The following OPCML variants were observed in gnomAD, a reference collection of about 807,000 sequenced individuals.
OPCML encodes opioid-binding protein/cell adhesion molecule.
A neutral mutation model predicts 37.8 loss-of-function variants in OPCML; 13 were observed. The observed-to-expected ratio is 0.34, with a 90% confidence interval of 0.22 to 0.55. OPCML has a LOEUF of 0.55. OPCML is among the 20% of genes least tolerant of loss of function. OPCML has a pLI of 0.91. For missense variants in OPCML, 341 were observed against 435.6 expected (o/e 0.78, Z 1.93); for synonymous variants, 176 against 168.8 (o/e 1.04, Z -0.33).
intron 1 of OPCML, among the ~76,000 whole-genome samples, chr11:133,147,974 C>T (rs1177007296): frequency 6.6e-6 from 1 of 152,190 alleles, no homozygotes; most frequent in Non-Finnish European, 1.5e-5. Flanking sequence ...TCATCCCTCC[C>T]CACCCCAGCT....
At chr11:133,354,739 C>A (rs756637559) in intron 1 of OPCML, among the ~76,000 whole-genome samples, 3 of 152,164 alleles carry the variant, frequency 2.0e-5, no homozygotes, top group Non-Finnish European at 4.4e-5. Flanking sequence ...TCAACATATT[C>A]TTTTAAATCC....
At chr11:132,496,657 T>C (rs777016387) in intron 4 of OPCML, among the ~76,000 whole-genome samples, 1 of 152,130 alleles carries the variant, frequency 6.6e-6, no homozygotes, top group Non-Finnish European at 1.5e-5. Flanking sequence ...GTAAACAAAA[T>C]CAGGAAAAGA....
At chr11:132,533,060 T>G (rs1050303944) in intron 3 of OPCML, among the ~76,000 whole-genome samples, 1 of 152,094 alleles carries the variant, frequency 6.6e-6, no homozygotes, top group Non-Finnish European at 1.5e-5. Flanking sequence ...CACATAAACA[T>G]TAAGAAATGA....
intron 2 of OPCML, among the ~76,000 whole-genome samples, chr11:132,667,265 T>C (rs1182465447): frequency 6.6e-6 from 1 of 152,216 alleles, no homozygotes; most frequent in Non-Finnish European, 1.5e-5. Flanking sequence ...ACTGAATACC[T>C]ATTGGGTGCT....
At chr11:132,640,531 A>T (rs985377861) in intron 3 of OPCML, among the ~76,000 whole-genome samples, 1 of 152,136 alleles carries the variant, frequency 6.6e-6, no homozygotes, top group Admixed American at 6.5e-5. Flanking sequence ...TTATCATGAA[A>T]TACTTATTGA....
At chr11:132,844,231 A>C (rs1437167038) in intron 2 of OPCML, among the ~76,000 whole-genome samples, 2 of 152,236 alleles carry the variant, frequency 1.3e-5, no homozygotes, top group Non-Finnish European at 2.9e-5. Context: ...AGTCTCGGGT[A>C]TGTCTTTATC....
At chr11:133,237,420 G>A (rs1296512434) in intron 1 of OPCML, among the ~76,000 whole-genome samples, 3 of 152,224 alleles carry the variant, frequency 2.0e-5, no homozygotes, top group Non-Finnish European at 4.4e-5. Flanking sequence ...GTTAAGTGCA[G>A]TGAGGTATTA....
At chr11:133,031,963 AT>A (rs1388749687) in intron 1 of OPCML, among the ~76,000 whole-genome samples, 1 of 152,242 alleles carries the variant, frequency 6.6e-6, no homozygotes, top group Non-Finnish European at 1.5e-5. Flanking sequence ...ACATTAACTC[AT>A]TTAATCTTCA....
At chr11:132,730,293 T>C (rs1945034086) in intron 2 of OPCML, among the ~76,000 whole-genome samples, 2 of 152,126 alleles carry the variant, frequency 1.3e-5, no homozygotes, top group African/African-American at 4.8e-5. Flanking sequence ...AATCAATCCA[T>C]ATACTAGACA....
chr11:132,653,217 A>C, intron 3 of OPCML, among the ~76,000 whole-genome samples: 1 of 152,176 alleles, frequency 6.6e-6, no homozygotes, highest in East Asian at 1.9e-4. Context: ...CAAACTAAAA[A>C]ATCTGGGTGA....
At position 133,205,001 on chromosome 11, in the gene OPCML, G is replaced by A. The variant is rs925467577; in HGVS notation, c.62-261991C>T. Reference sequence around the variant, plus strand: ...TCCAAACTGATAGTGTCTTCTTGCAGGCTAATGAGATGCCTGGCAGCTGGG... The same window carrying A: ...TCCAAACTGATAGTGTCTTCTTGCAAGCTAATGAGATGCCTGGCAGCTGGG... On this transcript the variant is annotated intron_variant, in intron 1 of 7. Coordinates refer to ENST00000524381, the MANE Select transcript of OPCML (RefSeq NM_001012393.5). This position sits in a 1 kb window ranked among gnomAD's most constrained non-coding sequence, Gnocchi z 4.8. Among the ~76,000 whole-genome samples the A allele has an allele frequency of 6.6e-6, 1 of 150,852 alleles. No individual in the cohort carries two copies.
intron 1 of OPCML, among the ~76,000 whole-genome samples, chr11:133,018,684 G>A (rs143575777): frequency 6.6e-6 from 1 of 152,344 alleles, no homozygotes; most frequent in Non-Finnish European, 1.5e-5. Flanking sequence ...TCAGTATAAA[G>A]AGCTCCGACT....
chr11:133,246,335 A>G (rs1472231250), intron 1 of OPCML, among the ~76,000 whole-genome samples: 2 of 152,242 alleles, frequency 1.3e-5, no homozygotes, highest in Non-Finnish European at 2.9e-5. Flanking sequence ...GTTAGAGAAC[A>G]TCATGATAAC....
chr11:132,607,375 G>A (rs1047460143), intron 3 of OPCML, among the ~76,000 whole-genome samples: 1 of 152,180 alleles, frequency 6.6e-6, no homozygotes, highest in Non-Finnish European at 1.5e-5. Flanking sequence ...TGAACACGAA[G>A]TATGGAGGCC....
chr11:132,457,158 G>A (rs2096085297), intron 4 of OPCML, among the ~76,000 whole-genome samples: 1 of 152,200 alleles, frequency 6.6e-6, no homozygotes, highest in African/African-American at 2.4e-5. Context: ...ATTCCAGGCA[G>A]CAGAGGTACC....
At chr11:132,890,879 A>C (rs1943620281) in intron 2 of OPCML, among the ~76,000 whole-genome samples, 1 of 151,266 alleles carries the variant, frequency 6.6e-6, no homozygotes. Context: ...AAAAAGAAAA[A>C]AAAAGAAAAG....
chr11:132,701,938 C>G (rs767340505), intron 2 of OPCML, among the ~76,000 whole-genome samples: 1 of 152,020 alleles, frequency 6.6e-6, no homozygotes, highest in Admixed American at 6.6e-5. Context: ...TAATTTCAAC[C>G]ACATACGAAA....
At chr11:132,638,994 A>T (rs953003524) in intron 3 of OPCML, among the ~76,000 whole-genome samples, 16 of 152,092 alleles carry the variant, frequency 1.1e-4, no homozygotes, top group African/African-American at 3.6e-4. Context: ...GTGACTACAG[A>T]TACTGGAGCA....
chr11:132,480,212 C>A (rs1487151812), intron 4 of OPCML, among the ~76,000 whole-genome samples: 2 of 152,032 alleles, frequency 1.3e-5, no homozygotes, highest in Non-Finnish European at 2.9e-5. Flanking sequence ...TTGAGAACTA[C>A]ATGAAGAATG....
Sources: gnomAD v4.1 joint callset for allele counts (sites outside exome capture counted in the v4.1 genomes callset) on GRCh38, gnomAD v4.1.1 for gene constraint, Gnocchi (gnomAD v3.1) non-coding constraint, MANE v1.5 for transcripts, NCBI Gene and HGNC (gene_info 2026-07-23, HGNC 2026-07-21) for gene names.